ZNF425: variants seen among roughly 807,000 people sequenced by gnomAD.
ZNF425 encodes zinc finger protein 425.
Under a neutral mutation model 17.0 loss-of-function variants are expected in ZNF425, and 21 were observed. The ratio of observed to expected loss-of-function variants is 1.23; its 90% CI spans 0.88 to 1.78. The LOEUF is 1.78. Ranked by LOEUF, ZNF425 falls within the 40% of genes most tolerant of loss-of-function variation. The probability of loss-of-function intolerance (pLI) is 0.00; values close to 1 mark genes in which losing one functional copy is unlikely to be tolerated. For synonymous variants in ZNF425, 433 were observed against 384.1 expected, an observed-to-expected ratio of 1.13 and a Z score of -1.49; for missense variants, 868 against 967.3, an observed-to-expected ratio of 0.90 and a Z score of 1.36.
chr7:149,122,375 C>T (rs1002564291), intron 1 of ZNF425, among the ~76,000 whole-genome samples: 4 of 151,896 alleles, frequency 2.6e-5, no homozygotes, highest in Admixed American at 6.6e-5. Context: ...CCTCAGGCTC[C>T]GGAAGTGCTG....
chr7:149,104,653 T>C lies in ZNF425; in HGVS notation c.1218A>G (p.Arg406=), dbSNP rs1826044867. The change falls in exon 4 of 4, where the codon AGA becomes AGG. Residue 406 remains arginine, a synonymous_variant. Coordinates refer to ENST00000378061, the MANE Select transcript of ZNF425 (RefSeq NM_001001661.3). The surrounding 1 kb of genome is among the most constrained non-coding windows in gnomAD (Gnocchi z 4.3). ...IYKIKLDEHI[R]VHTGEKPFSC... Reference sequence around the variant, plus strand: ...AAAAGGGCTTCTCTCCCGTGTGAACTCTGATGTGCTCGTCCAGCTTAATCT... The same window carrying C: ...AAAAGGGCTTCTCTCCCGTGTGAACCCTGATGTGCTCGTCCAGCTTAATCT... The C allele has an allele frequency of 2.5e-6, 4 of 1,614,090 alleles. No homozygotes were observed. In the East Asian group the frequency reaches 6.7e-5, roughly 27 times the overall value.
intron 2 of ZNF425, among the ~76,000 whole-genome samples, chr7:149,117,816 C>T (rs1182992902): frequency 6.6e-6 from 1 of 151,998 alleles, no homozygotes; most frequent in East Asian, 1.9e-4. Flanking sequence ...ACATGCCCAG[C>T]TAATTTTGTA....
rs1038509544 is a variant in ZNF425, at chr7:149,118,236, G to A, written c.131C>T (p.Thr44Ile). 11 of 1,614,008 alleles carry A rather than the reference G, an allele frequency of 6.8e-6. No individual in the cohort carries two copies. The highest frequency in any genetic ancestry group is 9.3e-6 in the Non-Finnish European group (11 of 1,180,002). The change falls in exon 2 of 4, where the codon ACC (threonine) becomes ATC (isoleucine). Residue 44 changes from threonine to isoleucine, a missense_variant. This residue lies in a region of ZNF425 where 179 missense variants were observed against 216.3 expected (regional missense o/e 0.83). Transcript: ENST00000378061. Reference sequence around the variant, plus strand: ...GCTCATCTTACCCAGGGAATCAAGGGTCTCGTAATTGGTCTTCATCTCTTG... The same window carrying A: ...GCTCATCTTACCCAGGGAATCAAGGATCTCGTAATTGGTCTTCATCTCTTG... ...YKQEMKTNYETLDSLGYAFSK... is the reference protein window; with the variant it reads ...YKQEMKTNYEILDSLGYAFSK...
intron 3 of ZNF425, 64 bp from the exon 4 acceptor site, chr7:149,105,630 C>T (rs1216034820): frequency 5.2e-6 from 6 of 1,154,704 alleles, no homozygotes; most frequent in Non-Finnish European, 5.6e-6. Flanking sequence ...GGTTCAAGGA[C>T]TGTCTTTTAA....
Position 149,105,508 on chromosome 7 carries a change from T to C in ZNF425, c.363A>G (p.Lys121=). ...CTCGTAAGGCAGCACACAAGTCCTGTTTTTGAGGACCATTTAAACGGCAAT... is the reference window on the plus strand; with the variant it reads ...CTCGTAAGGCAGCACACAAGTCCTGCTTTTGAGGACCATTTAAACGGCAAT... ...EEDCRLNGPQ[K]QDLCAALRGK... The change falls in exon 4 of 4, where the codon AAA becomes AAG. Residue 121 remains lysine, a synonymous_variant. Transcript: ENST00000378061. The C allele has an allele frequency of 6.6e-7, 1 of 1,517,672 alleles. No homozygotes were observed. The highest frequency in any genetic ancestry group is 8.8e-7 in the Non-Finnish European group (1 of 1,136,296). 94.0% of individuals were successfully genotyped at this position (1,517,672 alleles called of 1,614,324 possible).
chr7:149,104,109 C>G lies in ZNF425; in HGVS notation c.1762G>C (p.Asp588His), dbSNP rs1345884205. 3 of 1,612,346 alleles carry G rather than the reference C, an allele frequency of 1.9e-6. No individual in the cohort carries two copies. ...DEKPFACGECDKTYTHQSQLT... is the reference protein window; with the variant it reads ...DEKPFACGECHKTYTHQSQLT... The stretch of plus-strand genomic sequence containing the variant: ...TGAGACTGATGCGTGTAGGTCTTGT[C>G]ACACTCACCGCACGCGAAGGGCTTC... Residue 588 changes from aspartate to histidine, a missense_variant, in exon 4 of 4, where the codon GAC becomes CAC. By Grantham distance (81) the Asp-to-His change is moderately conservative. Coordinates refer to ENST00000378061, the MANE Select transcript of ZNF425 (RefSeq NM_001001661.3). This position sits in a 1 kb window ranked among gnomAD's most constrained non-coding sequence, Gnocchi z 4.3.
chr7:149,115,723 C>T (rs58834816), intron 2 of ZNF425, among the ~76,000 whole-genome samples: 6,629 of 150,580 alleles, frequency 0.044, 493 homozygotes, highest in African/African-American at 0.15. Flanking sequence ...TTCCATAAAT[C>T]AGTAGAGGGT....
chr7:149,118,211 G>A lies in ZNF425; in HGVS notation c.145+11C>T. Reference sequence around the variant, plus strand: ...GTTCCTAAAAAGTGATTCCTTAGAAGCTCATCTTACCCAGGGAATCAAGGG... The same window carrying A: ...GTTCCTAAAAAGTGATTCCTTAGAAACTCATCTTACCCAGGGAATCAAGGG... On this transcript the variant is annotated intron_variant, in intron 2 of 3. Transcript: ENST00000378061. 9.3e-6 allele frequency: 15 copies of A among 1,613,948 alleles called. No homozygotes were observed. The highest frequency in any genetic ancestry group is 1.2e-5 in the Non-Finnish European group (14 of 1,179,958).
intron 2 of ZNF425, among the ~76,000 whole-genome samples, chr7:149,113,745 G>T (rs1386730980): frequency 1.3e-5 from 2 of 151,458 alleles, no homozygotes; most frequent in East Asian, 2.0e-4. Flanking sequence ...TAGAGATGGG[G>T]TTTCACCGTG....
rs753663460 is a variant in ZNF425 at position 149,104,290 on chromosome 7, G to A, written c.1581C>T (p.Ser527=). The part of the protein sequence containing the change: ...LKVHTTEKPF[S]CAECGRSFRR... ...GGAAACTGCGGCCGCACTCGGCGCA[G>A]GAGAACGGCTTTTCCGTGGTGTGGA... The change falls in exon 4 of 4, where the codon TCC becomes TCT. Residue 527 remains serine, a synonymous_variant. Coordinates refer to ENST00000378061, the MANE Select transcript of ZNF425 (RefSeq NM_001001661.3). This position sits in a 1 kb window ranked among gnomAD's most constrained non-coding sequence, Gnocchi z 4.3. 6.2e-7 allele frequency: 1 copy of A among 1,613,692 alleles called. No homozygotes were observed. The highest frequency in any genetic ancestry group is 1.1e-5 in the South Asian group (1 of 91,082).
At chr7:149,124,804 G>C (rs1044394995) in intron 1 of ZNF425, among the ~76,000 whole-genome samples, 2 of 152,106 alleles carry the variant, frequency 1.3e-5, no homozygotes, top group African/African-American at 4.8e-5. Context: ...GCCTCCCAAA[G>C]TGCTGGGATT....
chr7:149,109,960 TC>T (rs1156238196), intron 3 of ZNF425, among the ~76,000 whole-genome samples: 1 of 150,384 alleles, frequency 6.6e-6, no homozygotes, highest in East Asian at 2.0e-4. Flanking sequence ...CACTGCAACC[TC>T]CGCCTCCAGG....
rs549333909 is a variant in ZNF425 at position 149,106,305 on chromosome 7, G to T, written c.305-739C>A. On this transcript the variant is annotated intron_variant, in intron 3 of 3. Transcript: ENST00000378061. The stretch of plus-strand genomic sequence containing the variant: ...GTTGCCCAGGCTAGAGTGCGGTGGC[G>T]TGATCTCGGCTCACTGCAACCTCTG... Among the ~76,000 whole-genome samples the T allele has an allele frequency of 7.8e-4, 117 of 149,412 alleles. 1 individual carries two copies. Among genetic ancestry groups the T allele is most frequent in the Admixed American group, 2.0e-3 (30 of 14,894 alleles).
intron 3 of ZNF425, among the ~76,000 whole-genome samples, chr7:149,107,835 C>CATTTATTT (rs55746271): frequency 0.33 from 45,367 of 137,678 alleles, 7,738 homozygotes; most frequent in East Asian, 0.37. Flanking sequence ...AACTCTCTCC[C>CATTTATTT]ATTTATTTAT....
chr7:149,117,803 C>T (rs987330387), intron 2 of ZNF425, among the ~76,000 whole-genome samples: 1 of 151,842 alleles, frequency 6.6e-6, no homozygotes, highest in Non-Finnish European at 1.5e-5. Context: ...CAGGCATGCA[C>T]CAACATGCCC....
chr7:149,104,536 CG>C lies in ZNF425; in HGVS notation c.1334del (p.Pro445ArgfsTer73). On this transcript the variant is annotated frameshift_variant, in exon 4 of 4. Transcript: ENST00000378061. LOFTEE classifies it low-confidence loss of function (END_TRUNC). This position sits in a 1 kb window ranked among gnomAD's most constrained non-coding sequence, Gnocchi z 4.3. ...TCCAGAAGAAGCCCCTGCTGCACTC[CG>C]GGCACTGGAAGGGCCGCTTCCCAAT... is the stretch of plus-strand genomic sequence containing the variant. The part of the protein sequence containing the change: ...QHIGKRPFQC[P>X]ECSRGFFWRN... 1 of 1,609,402 alleles carries C rather than the reference CG, an allele frequency of 6.2e-7. No homozygotes were observed. Among genetic ancestry groups the C allele is most frequent in the Non-Finnish European group, 8.5e-7 (1 of 1,178,102 alleles).
rs759023817 is a variant in ZNF425, at chr7:149,103,612, C to G, written c.2259G>C (p.Ter753TyrextTer26). The change falls in exon 4 of 4, where the codon TAG (stop) becomes TAC (tyrosine). Residue 753 changes from the stop codon to tyrosine, a stop_lost. Coordinates refer to ENST00000378061, the MANE Select transcript of ZNF425 (RefSeq NM_001001661.3). ...VHAKEKPSSL* is the reference protein window; with the variant it reads ...VHAKEKPSSLY ...CTGCGTGACTGCTGCATGGCCTGAC[C>G]TAGAGGCTGGAGGGCTTCTCTTTGG... 7.5e-6 allele frequency: 12 copies of G among 1,595,376 alleles called. No individual in the cohort carries two copies. The highest frequency in any genetic ancestry group is 1.0e-5 in the Non-Finnish European group (12 of 1,172,618).
Position 149,126,249 on chromosome 7 carries a change from C to T in ZNF425, c.-36G>A. 1 of 1,606,224 alleles carries T rather than the reference C, an allele frequency of 6.2e-7. No homozygotes were observed. Among genetic ancestry groups the T allele is most frequent in the Non-Finnish European group, 8.5e-7 (1 of 1,176,906 alleles). The stretch of plus-strand genomic sequence containing the variant: ...CACGAACCGGCCCTGCCTGGCACGG[C>T]CTCCCCTCCGCTCCGCCCCAACCCA... On this transcript the variant is annotated 5_prime_UTR_variant, in exon 1 of 4. Transcript: ENST00000378061.
rs1353327645 is a variant in ZNF425 at position 149,104,812 on chromosome 7, G to A, written c.1059C>T (p.Ser353=). ...CGGGACAGTGGAAGGGCCTCTTCCCGCTGTGCTGGGTCAGATGGACCTTCA... is the reference window on the plus strand; with the variant it reads ...CGGGACAGTGGAAGGGCCTCTTCCCACTGTGCTGGGTCAGATGGACCTTCA... The part of the protein sequence containing the change: ...RGMKVHLTQH[S]GKRPFHCPEC... The change falls in exon 4 of 4, where the codon AGC becomes AGT. Residue 353 remains serine (S), a synonymous_variant. Transcript: ENST00000378061. The surrounding 1 kb of genome is among the most constrained non-coding windows in gnomAD (Gnocchi z 4.3). The A allele has an allele frequency of 5.6e-6, 9 of 1,613,630 alleles. No individual in the cohort carries two copies. Among genetic ancestry groups the A allele is most frequent in the East Asian group, 4.5e-5 (2 of 44,898 alleles).
Sources: gnomAD v4.1 joint callset for allele counts (sites outside exome capture counted in the v4.1 genomes callset) on GRCh38, gnomAD v4.1.1 for gene constraint, gnomAD v4.1.1 regional missense constraint, Gnocchi (gnomAD v3.1) non-coding constraint, MANE v1.5 for transcripts, NCBI Gene and HGNC (gene_info 2026-07-23, HGNC 2026-07-21) for gene names.